Variants in LOC128092253 observed in about 807,000 individuals in gnomAD.
At chr6:133,978,470 A>G in the LOC128092253 span, among the ~76,000 whole-genome samples, 1 of 152,196 alleles carries the variant, frequency 6.6e-6, no homozygotes. Flanking sequence ...CTTAAGACCA[A>G]TGGTAATAAA....
At chr6:133,967,968 G>GA in the LOC128092253 span, among the ~76,000 whole-genome samples, 3 of 151,182 alleles carry the variant, frequency 2.0e-5, no homozygotes, top group African/African-American at 7.3e-5. Flanking sequence ...ATGAGCACAG[G>GA]AAAAAAGCAG....
the LOC128092253 span, among the ~76,000 whole-genome samples, chr6:133,976,628 G>A: frequency 3.9e-5 from 6 of 152,062 alleles, no homozygotes; most frequent in South Asian, 2.1e-4. Context: ...TTAACCCATC[G>A]ATAAATTATG....
At chr6:133,967,477 A>T in the LOC128092253 span, among the ~76,000 whole-genome samples, 1 of 152,356 alleles carries the variant, frequency 6.6e-6, no homozygotes, top group Non-Finnish European at 1.5e-5. Context: ...TGCATCGCTT[A>T]ATGACAAGGA....
At chr6:133,953,860 C>T in the LOC128092253 span, among the ~76,000 whole-genome samples, 1 of 152,154 alleles carries the variant, frequency 6.6e-6, no homozygotes. Flanking sequence ...TCTCAGAAAA[C>T]TTACAGCGGC....
the LOC128092253 span, among the ~76,000 whole-genome samples, chr6:133,960,567 TTTACTC>T: frequency 2.6e-5 from 4 of 152,238 alleles, no homozygotes; most frequent in South Asian, 2.1e-4. Flanking sequence ...TGCCTCTTGA[TTTACTC>T]TTTCTAGGCT....
chr6:133,958,401 T>G, the LOC128092253 span, among the ~76,000 whole-genome samples: 16 of 152,328 alleles, frequency 1.1e-4, no homozygotes, highest in East Asian at 2.1e-3. Flanking sequence ...TAGCTTTTTT[T>G]TGTAATTTTA....
the LOC128092253 span, among the ~76,000 whole-genome samples, chr6:133,962,257 C>T: frequency 1.3e-5 from 2 of 152,246 alleles, no homozygotes; most frequent in East Asian, 1.9e-4. Flanking sequence ...AGAGATGCTT[C>T]TTCAGATAGG....
At chr6:133,965,138 A>G in the LOC128092253 span, among the ~76,000 whole-genome samples, 2 of 152,186 alleles carry the variant, frequency 1.3e-5, no homozygotes, top group African/African-American at 4.8e-5. Context: ...GAAACTAATA[A>G]TCTTTTAAAA....
the LOC128092253 span, among the ~76,000 whole-genome samples, chr6:133,963,127 C>T: frequency 6.6e-6 from 1 of 152,236 alleles, no homozygotes; most frequent in African/African-American, 2.4e-5. Flanking sequence ...GGTTTAAAAG[C>T]ATGAAGTGGA....
chr6:133,967,892 G>A, the LOC128092253 span, among the ~76,000 whole-genome samples: 1 of 152,104 alleles, frequency 6.6e-6, no homozygotes, highest in East Asian at 1.9e-4. Context: ...CAGCATGTGC[G>A]ATCCCAATCT....
chr6:133,960,015 T>A, the LOC128092253 span, among the ~76,000 whole-genome samples: 1 of 152,236 alleles, frequency 6.6e-6, no homozygotes, highest in South Asian at 2.1e-4. Flanking sequence ...CAGATGCTTC[T>A]GGTGAGCCGC....
chr6:133,955,211 A>C, the LOC128092253 span, among the ~76,000 whole-genome samples: 9 of 149,700 alleles, frequency 6.0e-5, no homozygotes, highest in South Asian at 4.4e-4. Context: ...CAGGGCTGCC[A>C]TCAGACTCAC....
the LOC128092253 span, among the ~76,000 whole-genome samples, chr6:133,963,214 G>A: frequency 6.6e-6 from 1 of 152,158 alleles, no homozygotes; most frequent in African/African-American, 2.4e-5. Flanking sequence ...TAGAAGAATA[G>A]AGCCCTTTTT....
the LOC128092253 span, among the ~76,000 whole-genome samples, chr6:133,972,469 C>CAGT: frequency 6.6e-6 from 1 of 152,158 alleles, no homozygotes; most frequent in Non-Finnish European, 1.5e-5. Context: ...TGGGCTTGTC[C>CAGT]AGTAATCAGC....
chr6:133,958,250 C>T, the LOC128092253 span, among the ~76,000 whole-genome samples: 1 of 152,200 alleles, frequency 6.6e-6, no homozygotes, highest in African/African-American at 2.4e-5. Flanking sequence ...CCAATGGTTT[C>T]ATTTAACAGA....
At chr6:133,973,697 G>A in the LOC128092253 span, among the ~76,000 whole-genome samples, 7 of 152,278 alleles carry the variant, frequency 4.6e-5, no homozygotes, top group South Asian at 1.5e-3. Flanking sequence ...CTTTGAGTGA[G>A]GAAGAATGTG....
At chr6:133,974,721 A>G in the LOC128092253 span, among the ~76,000 whole-genome samples, 1 of 152,246 alleles carries the variant, frequency 6.6e-6, no homozygotes, top group Admixed American at 6.5e-5. Flanking sequence ...AGTATCTCCT[A>G]TAGAAAGTTT....
the LOC128092253 span, among the ~76,000 whole-genome samples, chr6:133,967,794 C>G: frequency 7.2e-5 from 11 of 152,266 alleles, no homozygotes; most frequent in Middle Eastern, 3.4e-3. Flanking sequence ...CATTAGTATT[C>G]AAGGAAAATC....
chr6:133,967,111 C>CT, the LOC128092253 span, among the ~76,000 whole-genome samples: 2 of 152,196 alleles, frequency 1.3e-5, no homozygotes, highest in Non-Finnish European at 2.9e-5. Flanking sequence ...ATTCTTCCTT[C>CT]AGGCCTGAGC....
Sources: gnomAD v4.1 joint callset for allele counts (sites outside exome capture counted in the v4.1 genomes callset) on GRCh38, gnomAD v4.1.1 for gene constraint, MANE v1.5 for transcripts.